The following TPGS2 variants were observed in gnomAD, a reference collection of about 807,000 sequenced individuals.
TPGS2 encodes polyglutamylase subunit 2.
In TPGS2, 26 loss-of-function variants were observed where a neutral mutation model predicts 31.1. That is an observed-to-expected ratio of 0.84 (90% CI 0.61 to 1.16). The LOEUF is 1.16. Among genes scored for constraint, TPGS2 ranks in the 50% most tolerant of loss-of-function variants. The pLI is 0.00. For synonymous variants in TPGS2, 130 were observed against 136.6 expected, an observed-to-expected ratio of 0.95 and a Z score of 0.34; for missense variants, 351 against 363.8, an observed-to-expected ratio of 0.96 and a Z score of 0.29.
chr18:36,796,697 C>T lies in TPGS2; in HGVS notation c.*108G>A, dbSNP rs2044540796. The T allele has an allele frequency of 6.8e-7, 1 of 1,473,434 alleles. No homozygotes were observed. Among genetic ancestry groups the T allele is most frequent in the East Asian group, 2.5e-5 (1 of 39,736 alleles). 91.3% of individuals were successfully genotyped at this position (1,473,434 alleles called of 1,614,324 possible). On this transcript the variant is annotated 3_prime_UTR_variant, in exon 7 of 7. Coordinates refer to ENST00000334295, the MANE Select transcript of TPGS2 (RefSeq NM_015476.4). ...AAGCCTTACAATTTTGGTCATTCAA[C>T]TAGAAAGAGGCCTACGGTCCACACG... is the stretch of plus-strand genomic sequence containing the variant.
intron 4 of TPGS2, among the ~76,000 whole-genome samples, chr18:36,803,049 T>C (rs547315528): frequency 1.3e-5 from 2 of 152,226 alleles, no homozygotes; most frequent in Non-Finnish European, 2.9e-5. Flanking sequence ...CAACACGCTA[T>C]TTTAAGATGT....
chr18:36,828,917 G>A lies in TPGS2; in HGVS notation c.-150C>T, dbSNP rs1445893106. The A allele has an allele frequency of 1.2e-5, 13 of 1,044,092 alleles. No homozygotes were observed. Among genetic ancestry groups the A allele is most frequent in the South Asian group, 1.6e-5 (1 of 61,534 alleles). 64.7% of individuals were successfully genotyped at this position (1,044,092 alleles called of 1,614,324 possible). A position where few individuals can be genotyped will look rare whatever the true frequency, so the allele number is the denominator to read the frequency against. Reference sequence around the variant, plus strand: ...GATGATGGGGGCCCGGGGTTGGTCTGACAGCAGCAGCTCCGTGGGGCGCCG... The same window carrying A: ...GATGATGGGGGCCCGGGGTTGGTCTAACAGCAGCAGCTCCGTGGGGCGCCG... On this transcript the variant is annotated 5_prime_UTR_variant, in exon 1 of 7. Transcript: ENST00000334295.
downstream of TPGS2, chr18:36,782,870 C>T: frequency 2.6e-6 from 1 of 383,450 alleles, no homozygotes; most frequent in Non-Finnish European, 4.6e-6. Flanking sequence ...ATGGGAGGAA[C>T]ATCGGAAGTG....
At chr18:36,783,157 T>G (rs901887097) in intron 6 of TPGS2, 3 of 398,242 alleles carry the variant, frequency 7.5e-6, no homozygotes, top group African/African-American at 6.2e-5. Context: ...ATTTGCGTTG[T>G]TAAACTTAGT....
At chr18:36,814,153 A>C (rs1462724534) in intron 2 of TPGS2, among the ~76,000 whole-genome samples, 2 of 152,264 alleles carry the variant, frequency 1.3e-5, no homozygotes, top group Non-Finnish European at 2.9e-5. Flanking sequence ...AGCCGTCTGC[A>C]ACTATGAAAT....
downstream of TPGS2, chr18:36,782,033 G>T: frequency 1.4e-6 from 1 of 702,844 alleles, no homozygotes. Flanking sequence ...TTCGCCTATT[G>T]CTTGGCACTG....
At chr18:36,824,326 G>T (rs2046038183) in intron 1 of TPGS2, among the ~76,000 whole-genome samples, 1 of 152,162 alleles carries the variant, frequency 6.6e-6, no homozygotes, top group Admixed American at 6.5e-5. Flanking sequence ...ATGAACATTT[G>T]TATGCAAGTG....
chr18:36,786,468 C>A (rs148246096), intron 6 of TPGS2: 3 of 157,032 alleles, frequency 1.9e-5, no homozygotes, highest in Non-Finnish European at 4.2e-5. Flanking sequence ...CCACCCGCCT[C>A]GGCCTCCCAA....
intron 6 of TPGS2, chr18:36,786,725 C>A: frequency 9.8e-7 from 1 of 1,022,716 alleles, no homozygotes; most frequent in East Asian, 3.3e-5. Context: ...GACCTCCCAT[C>A]CTGTTATGGT....
intron 6 of TPGS2, chr18:36,786,699 A>C: frequency 1.5e-6 from 1 of 665,652 alleles, no homozygotes; most frequent in Non-Finnish European, 2.1e-6. Flanking sequence ...GGGAGGGGGT[A>C]TGATGAGGTG....
chr18:36,793,740 T>C (rs74637480), downstream of TPGS2, among the ~76,000 whole-genome samples: 1 of 113,330 alleles, frequency 8.8e-6, no homozygotes, highest in African/African-American at 2.7e-5. Flanking sequence ...TTTCTTTTTC[T>C]TTTTTTTTTT....
At chr18:36,827,525 G>A (rs1409192061) in intron 1 of TPGS2, among the ~76,000 whole-genome samples, 1 of 152,224 alleles carries the variant, frequency 6.6e-6, no homozygotes, top group African/African-American at 2.4e-5. Context: ...CAGCTAGAAG[G>A]CCATGTGGGC....
At chr18:36,803,028 T>C (rs2044913272) in intron 4 of TPGS2, among the ~76,000 whole-genome samples, 1 of 152,208 alleles carries the variant, frequency 6.6e-6, no homozygotes, top group Non-Finnish European at 1.5e-5. Flanking sequence ...TATTTATATA[T>C]TGATGGAGAA....
Position 36,818,888 on chromosome 18 carries a change from A to T in TPGS2, c.165+6T>A. 6.2e-7 allele frequency: 1 copy of T among 1,613,128 alleles called. No homozygotes were observed. The stretch of plus-strand genomic sequence containing the variant: ...TGGGAGGTAGAGTTCATGTGGCAAC[A>T]CTTACTTGTTCCCAGGAAGAAATCA... On this transcript the variant is annotated splice_donor_region_variant and intron_variant, in intron 2 of 6. Transcript: ENST00000334295.
intron 5 of TPGS2, among the ~76,000 whole-genome samples, chr18:36,799,607 A>C (rs1163513564): frequency 3.9e-5 from 6 of 152,112 alleles, no homozygotes; most frequent in African/African-American, 9.7e-5. Context: ...CTCTGGCTGG[A>C]TGATTTCTCC....
At position 36,794,509 on chromosome 18, in the gene TPGS2, T is replaced by G; in HGVS notation, c.*2296A>C. ...TGCTGTGATTCGGGGGATCTCCAAG[T>G]ACTAAAAAAGGGGTATCTGCTGCAG... On this transcript the variant is annotated 3_prime_UTR_variant, in exon 7 of 7. Coordinates refer to ENST00000334295, the MANE Select transcript of TPGS2 (RefSeq NM_015476.4). 2 of 985,368 alleles carry G rather than the reference T, an allele frequency of 2.0e-6. No homozygotes were observed. Among genetic ancestry groups the G allele is most frequent in the Non-Finnish European group, 1.2e-6 (1 of 829,918 alleles). 61.0% of individuals were successfully genotyped at this position (985,368 alleles called of 1,614,324 possible). A position where few individuals can be genotyped will look rare whatever the true frequency, so the allele number is the denominator to read the frequency against.
intron 6 of TPGS2, 84 bp from the exon 7 acceptor site, chr18:36,797,134 T>G (rs749428392): frequency 2.1e-5 from 33 of 1,565,104 alleles, no homozygotes; most frequent in Non-Finnish European, 2.8e-5. Context: ...TGCAGGAGAG[T>G]TGGGAACAGG....
Position 36,796,127 on chromosome 18 carries a change from T to C in TPGS2, c.*678A>G. On this transcript the variant is annotated 3_prime_UTR_variant, in exon 7 of 7. Coordinates refer to ENST00000334295, the MANE Select transcript of TPGS2 (RefSeq NM_015476.4). ...CAAAAGAAATGAGCAGAGCGAGATATTTGTGGTAAGGGATACAAAGAACAT... is the reference window on the plus strand; with the variant it reads ...CAAAAGAAATGAGCAGAGCGAGATACTTGTGGTAAGGGATACAAAGAACAT... 1.0e-6 allele frequency: 1 copy of C among 985,360 alleles called. No homozygotes were observed. Among genetic ancestry groups the C allele is most frequent in the Non-Finnish European group, 1.2e-6 (1 of 829,922 alleles). The allele number at this position is 985,360 out of a possible 1,614,324, so 61.0% of individuals were successfully genotyped here.
At chr18:36,780,178 G>C (rs899912542), downstream of TPGS2, 2 of 1,231,700 alleles carry the variant, frequency 1.6e-6, no homozygotes, top group African/African-American at 3.1e-5. Flanking sequence ...ACGGCCTTCA[G>C]ATCCTTTGGG....
Sources: allele counts gnomAD v4.1 joint callset (sites outside exome capture counted in the v4.1 genomes callset), GRCh38; gene constraint gnomAD v4.1.1; transcripts MANE v1.5; gene names NCBI Gene and HGNC (gene_info 2026-07-23, HGNC 2026-07-21).